SOS1: variants seen among roughly 807,000 people sequenced by gnomAD.
SOS1 encodes the protein son of sevenless homolog 1.
SOS1 carries 25 observed loss-of-function variants against 157.6 expected under a neutral mutation model. The ratio of observed to expected loss-of-function variants is 0.16; its 90% CI spans 0.12 to 0.22. The LOEUF is 0.22. Ranked by LOEUF, SOS1 falls within the 10% of genes least tolerant of loss-of-function variation. The pLI is 1.00. For synonymous variants in SOS1, 528 were observed against 534.0 expected (o/e 0.99, Z 0.16); for missense variants, 1,237 against 1,599.1 (o/e 0.77, Z 3.86).
intron 1 of SOS1, among the ~76,000 whole-genome samples, chr2:39,069,440 T>C (rs1425054453): frequency 1.3e-5 from 2 of 152,176 alleles, no homozygotes; most frequent in African/African-American, 4.8e-5. Context: ...TATATGTATA[T>C]ATACATACGT....
At chr2:39,093,425 G>T (rs1047867659) in intron 1 of SOS1, among the ~76,000 whole-genome samples, 1 of 152,058 alleles carries the variant, frequency 6.6e-6, no homozygotes, top group Admixed American at 6.6e-5. Context: ...ACATAAGAGG[G>T]TCAGAGTCCG....
At chr2:39,030,298 T>C (rs2124552357) in intron 8 of SOS1, among the ~76,000 whole-genome samples, 1 of 147,682 alleles carries the variant, frequency 6.8e-6, no homozygotes, top group South Asian at 2.1e-4. Context: ...GTGCATTGGC[T>C]CATGCCATTA....
intron 1 of SOS1, among the ~76,000 whole-genome samples, chr2:39,103,036 G>C (rs1673031603): frequency 6.6e-6 from 1 of 151,968 alleles, no homozygotes. Context: ...AAAGAAATTA[G>C]GAATGCAATT....
chr2:38,987,456 A>C lies in SOS1; in HGVS notation c.3510+17T>G, dbSNP rs1558455713. 2 of 1,298,746 alleles carry C rather than the reference A, an allele frequency of 1.5e-6. No homozygotes were observed. Among genetic ancestry groups the C allele is most frequent in the East Asian group, 2.3e-5 (1 of 43,242 alleles). 80.5% of individuals were successfully genotyped at this position (1,298,746 alleles called of 1,614,324 possible). A position where few individuals can be genotyped will look rare whatever the true frequency, so the allele number is the denominator to read the frequency against. On this transcript the variant is annotated intron_variant, in intron 22 of 22. Transcript: ENST00000402219. ...GTAATGATTCCAATTTCTACACAAC[A>C]AGATTTCTTACTTTACCTTAGATGG...
chr2:39,115,776 T>C (rs1673627411), intron 1 of SOS1, among the ~76,000 whole-genome samples: 1 of 152,190 alleles, frequency 6.6e-6, no homozygotes, highest in African/African-American at 2.4e-5. Flanking sequence ...ATTCCACTGT[T>C]TGTATCACAA....
chr2:39,022,203 TA>T (rs1669819704), intron 10 of SOS1, among the ~76,000 whole-genome samples: 1 of 151,650 alleles, frequency 6.6e-6, no homozygotes, highest in Non-Finnish European at 1.5e-5. Flanking sequence ...AATTTTTATT[TA>T]TAATCTCAGA....
intron 1 of SOS1, among the ~76,000 whole-genome samples, chr2:39,116,842 AAAAC>A (rs910563554): frequency 6.6e-5 from 10 of 152,054 alleles, no homozygotes; most frequent in African/African-American, 1.7e-4. Context: ...ACTCTGTCTC[AAAAC>A]AAACAAACAA....
chr2:39,083,590 A>G (rs570889360), intron 1 of SOS1, among the ~76,000 whole-genome samples: 2 of 152,344 alleles, frequency 1.3e-5, no homozygotes, highest in East Asian at 1.9e-4. Flanking sequence ...GGGATCCTCA[A>G]TATAGACTGT....
intron 6 of SOS1, among the ~76,000 whole-genome samples, chr2:39,040,500 C>T (rs1035024967): frequency 3.3e-5 from 5 of 152,136 alleles, no homozygotes; most frequent in Admixed American, 6.5e-5. Flanking sequence ...GCCTCTTCCC[C>T]GTAACCCTTG....
At chr2:38,988,552 TAA>T (rs942814602) in intron 21 of SOS1, among the ~76,000 whole-genome samples, 41 of 152,274 alleles carry the variant, frequency 2.7e-4, no homozygotes, top group African/African-American at 9.9e-4. Context: ...ATATAGAACT[TAA>T]AAAGAGTACT....
At chr2:38,997,590 T>C (rs999118952) in intron 17 of SOS1, among the ~76,000 whole-genome samples, 165 bp from the exon 18 acceptor site, 3 of 137,016 alleles carry the variant, frequency 2.2e-5, no homozygotes, top group Non-Finnish European at 3.1e-5. Flanking sequence ...AGAGAAAGTA[T>C]CTGTGAAAGA....
intron 1 of SOS1, among the ~76,000 whole-genome samples, chr2:39,096,732 A>T (rs747245463): frequency 2.0e-5 from 3 of 152,066 alleles, no homozygotes; most frequent in Non-Finnish European, 2.9e-5. Context: ...AAAAATACAA[A>T]AAAATTAGCC....
chr2:39,123,092 T>C (rs1673950043), upstream of SOS1, among the ~76,000 whole-genome samples: 3 of 152,166 alleles, frequency 2.0e-5, no homozygotes, highest in South Asian at 6.2e-4. Flanking sequence ...TTCTGTCTAT[T>C]CCTAGAAAAC....
chr2:39,044,864 G>GCGCGCAAA (rs147443441), intron 6 of SOS1, among the ~76,000 whole-genome samples: 1 of 147,660 alleles, frequency 6.8e-6, no homozygotes, highest in Non-Finnish European at 1.5e-5. Flanking sequence ...GCGCGCGCGC[G>GCGCGCAAA]CACACACACA....
At chr2:39,102,626 T>C (rs1673014001) in intron 1 of SOS1, among the ~76,000 whole-genome samples, 1 of 148,632 alleles carries the variant, frequency 6.7e-6, no homozygotes, top group African/African-American at 2.5e-5. Flanking sequence ...GTCCAGAAGA[T>C]CAGGTTATAT....
At chr2:39,092,226 G>C (rs1263091994) in intron 1 of SOS1, among the ~76,000 whole-genome samples, 1 of 151,956 alleles carries the variant, frequency 6.6e-6, no homozygotes, top group African/African-American at 2.4e-5. Context: ...TGGAGACAGG[G>C]TCTCACTCTT....
intron 6 of SOS1, 24 bp downstream of exon 6, chr2:39,051,120 C>T (rs762289774): frequency 4.5e-5 from 72 of 1,610,272 alleles, no homozygotes; most frequent in Non-Finnish European, 4.8e-5. Context: ...GCAGACTTTT[C>T]GGGTATATAA....
At chr2:39,077,863 G>C (rs1401359950) in intron 1 of SOS1, among the ~76,000 whole-genome samples, 1 of 152,100 alleles carries the variant, frequency 6.6e-6, no homozygotes, top group East Asian at 1.9e-4. Flanking sequence ...TTTAGTAAAA[G>C]CATAGCAGGA....
At chr2:39,014,703 C>G in intron 11 of SOS1, 62 bp downstream of exon 11, 1 of 888,332 alleles carries the variant, frequency 1.1e-6, no homozygotes. Flanking sequence ...TGAAAAGGAT[C>G]TTAGCTCAAT....
Sources: gnomAD v4.1 joint callset for allele counts (sites outside exome capture counted in the v4.1 genomes callset) on GRCh38, gnomAD v4.1.1 for gene constraint, MANE v1.5 for transcripts, NCBI Gene and HGNC (gene_info 2026-07-23, HGNC 2026-07-21) for gene names.